Variants in TSPAN18 observed in about 807,000 individuals in gnomAD.
TSPAN18 encodes tetraspanin 18, also known as tetraspanin-18.
TSPAN18 carries 14 observed loss-of-function variants against 27.3 expected under a neutral mutation model. That is an observed-to-expected ratio of 0.51 (90% CI 0.34 to 0.80). The LOEUF (loss-of-function observed/expected upper bound fraction) is 0.80. Among genes scored for constraint, TSPAN18 ranks in the 30% least tolerant of loss-of-function variants. TSPAN18 has a pLI of 0.01. For synonymous variants in TSPAN18, 143 were observed against 136.5 expected, an observed-to-expected ratio of 1.05 and a Z score of -0.33; for missense variants, 268 against 323.9, an observed-to-expected ratio of 0.83 and a Z score of 1.32.
rs1277441891 is a variant in TSPAN18, at chr11:44,919,943, G to T, written c.559G>T (p.Val187Phe). Residue 187 changes from valine (V) to phenylalanine (F), a missense_variant, in exon 8 of 10, where the codon GTC (valine) becomes TTC (phenylalanine). Physicochemically the swap from Val to Phe is conservative, Grantham distance 50 (BLOSUM62 -1). Coordinates refer to ENST00000520358, the MANE Select transcript of TSPAN18 (RefSeq NM_130783.5). ...GAGGGAACCCCAAAGTCGGGACGGG[G>T]TCCTGCTGAGCCGGGAGGAGTGCCT... ...CRREPQSRDG[V>F]LLSREECLLG... 6.2e-7 allele frequency: 1 copy of T among 1,614,208 alleles called. No individual in the cohort carries two copies.
intron 3 of TSPAN18, among the ~76,000 whole-genome samples, chr11:44,869,910 C>T (rs953068028): frequency 6.6e-6 from 1 of 152,140 alleles, no homozygotes; most frequent in African/African-American, 2.4e-5. Flanking sequence ...GAGAAAGCAC[C>T]AGTATAACAG....
At chr11:44,733,726 G>A (rs1590399611) in intron 1 of TSPAN18, among the ~76,000 whole-genome samples, 1 of 152,110 alleles carries the variant, frequency 6.6e-6, no homozygotes, top group East Asian at 1.9e-4. Context: ...TAAGAATTTG[G>A]GACCCACATT....
intron 2 of TSPAN18, among the ~76,000 whole-genome samples, chr11:44,807,824 A>G (rs1297152119): frequency 1.3e-5 from 2 of 152,172 alleles, no homozygotes; most frequent in East Asian, 1.9e-4. Flanking sequence ...CCAGCTGAAC[A>G]TCCCTGTGGA....
At chr11:44,861,742 T>C (rs992331930) in intron 3 of TSPAN18, among the ~76,000 whole-genome samples, 2 of 150,024 alleles carry the variant, frequency 1.3e-5, no homozygotes, top group Non-Finnish European at 3.0e-5. Context: ...AGGGTTGGCC[T>C]CTCTCTAAGT....
At chr11:44,733,070 G>A (rs750813002) in intron 1 of TSPAN18, among the ~76,000 whole-genome samples, 1 of 152,156 alleles carries the variant, frequency 6.6e-6, no homozygotes, top group African/African-American at 2.4e-5. Flanking sequence ...TTGGCCAGGA[G>A]GTGACACACA....
intron 2 of TSPAN18, among the ~76,000 whole-genome samples, chr11:44,764,887 C>T (rs1855531796): frequency 1.3e-5 from 2 of 152,134 alleles, no homozygotes; most frequent in South Asian, 2.1e-4. Flanking sequence ...GTCTTGGGAC[C>T]GTGATAAGGA....
At chr11:44,868,936 G>A (rs1233985477) in intron 3 of TSPAN18, among the ~76,000 whole-genome samples, 3 of 152,170 alleles carry the variant, frequency 2.0e-5, no homozygotes, top group Non-Finnish European at 4.4e-5. Flanking sequence ...TGCTGGCCCT[G>A]GTCTGTGTGT....
At chr11:44,798,420 C>G (rs548989373) in intron 2 of TSPAN18, among the ~76,000 whole-genome samples, 2 of 152,308 alleles carry the variant, frequency 1.3e-5, no homozygotes, top group African/African-American at 4.8e-5. Context: ...TCCAAGGTCA[C>G]ACAGCTGGAA....
chr11:44,882,627 C>CACACACACAG lies in TSPAN18; in HGVS notation c.-11+22159_-11+22160insCACACACAGA, dbSNP rs375349718. ...ACACACACACACACACACACACACACAGAGAGAGAGCATGTGCGTGCATGT... is the reference window on the plus strand; with the variant it reads ...ACACACACACACACACACACACACACACACACACAGAGAGAGAGAGCATGTGCGTGCATGT... On this transcript the variant is annotated intron_variant, in intron 3 of 9. Coordinates refer to ENST00000520358, the MANE Select transcript of TSPAN18 (RefSeq NM_130783.5). Among the ~76,000 whole-genome samples the CACACACACAG allele has an allele frequency of 2.8e-3, 370 of 130,658 alleles. 3 individuals carry two copies. The highest frequency in any genetic ancestry group is 3.2e-3 in the African/African-American group (108 of 33,258). 85.7% of individuals were successfully genotyped at this position (130,658 alleles called of 152,430 possible). A position where few individuals can be genotyped will look rare whatever the true frequency, so the allele number is the denominator to read the frequency against.
At chr11:44,728,539 G>A (rs866728653) in intron 1 of TSPAN18, among the ~76,000 whole-genome samples, 1 of 152,180 alleles carries the variant, frequency 6.6e-6, no homozygotes, top group East Asian at 1.9e-4. Flanking sequence ...CGGGCGGTGG[G>A]GGATGGGGCC....
intron 9 of TSPAN18, 111 bp downstream of exon 9, chr11:44,926,868 G>A: frequency 8.1e-7 from 1 of 1,241,296 alleles, no homozygotes. Flanking sequence ...GGGACCCAAG[G>A]GGCCCCCACT....
chr11:44,789,482 C>A (rs1367489936), intron 2 of TSPAN18, among the ~76,000 whole-genome samples: 1 of 152,218 alleles, frequency 6.6e-6, no homozygotes, highest in Non-Finnish European at 1.5e-5. Flanking sequence ...AGTTTCCACA[C>A]CTGACAAAGG....
intron 2 of TSPAN18, among the ~76,000 whole-genome samples, chr11:44,794,497 G>A (rs962300831): frequency 5.9e-5 from 9 of 152,140 alleles, no homozygotes; most frequent in Admixed American, 1.3e-4. Context: ...GAGAAATCTC[G>A]TCTCTACTAC....
At chr11:44,870,896 T>C (rs374291339) in intron 3 of TSPAN18, among the ~76,000 whole-genome samples, 12 of 152,342 alleles carry the variant, frequency 7.9e-5, no homozygotes, top group South Asian at 2.1e-4. Flanking sequence ...CTACTCATCG[T>C]TTCTAGTTTT....
At chr11:44,838,537 T>C (rs541708405) in intron 2 of TSPAN18, among the ~76,000 whole-genome samples, 1 of 151,838 alleles carries the variant, frequency 6.6e-6, no homozygotes, top group Non-Finnish European at 1.5e-5. Context: ...GGTGGGGAGG[T>C]TGTCCTGGAA....
At chr11:44,759,053 C>A (rs1855393040) in intron 1 of TSPAN18, among the ~76,000 whole-genome samples, 1 of 152,214 alleles carries the variant, frequency 6.6e-6, no homozygotes, top group Admixed American at 6.5e-5. Flanking sequence ...AAAATGGCAT[C>A]TTTGCAGGGC....
intron 3 of TSPAN18, among the ~76,000 whole-genome samples, chr11:44,894,157 C>A (rs1858953433): frequency 1.3e-5 from 2 of 152,212 alleles, no homozygotes; most frequent in African/African-American, 2.4e-5. Flanking sequence ...CCCTTGCATC[C>A]TCCTGGAAAG....
chr11:44,813,778 G>A (rs996319146), intron 2 of TSPAN18, among the ~76,000 whole-genome samples: 1 of 152,238 alleles, frequency 6.6e-6, no homozygotes, highest in African/African-American at 2.4e-5. Context: ...GGCCCAGGAA[G>A]GAGTGCATAG....
In TSPAN18 at chr11:44,916,355, C is replaced by T. The variant is rs11038210; in HGVS notation, c.259-1617C>T. ...CAAGAGGCACATTCCAGGAGAGAGA[C>T]GCCTGAAGGTATTGTCAGCAGCCCA... On this transcript the variant is annotated intron_variant, in intron 5 of 9. Transcript: ENST00000520358. 8.9e-3 allele frequency among the ~76,000 whole-genome samples: 1,356 copies of T among 152,208 alleles called. 12 individuals carry two copies. The highest frequency in any genetic ancestry group is 0.03 in the African/African-American group (1,260 of 41,506).
Sources: allele counts gnomAD v4.1 joint callset (sites outside exome capture counted in the v4.1 genomes callset), GRCh38; gene constraint gnomAD v4.1.1; transcripts MANE v1.5; gene names NCBI Gene and HGNC (gene_info 2026-07-23, HGNC 2026-07-21).